ATP9A: variants seen among roughly 807,000 people sequenced by gnomAD.
ATP9A encodes probable phospholipid-transporting ATPase IIA.
A neutral mutation model predicts 144.1 loss-of-function variants in ATP9A; 52 were observed. The observed-to-expected ratio is 0.36, with a 90% CI of 0.29 to 0.45. The LOEUF is 0.45. ATP9A is among the 20% of genes least tolerant of loss of function. The probability of loss-of-function intolerance (pLI) is 1.00; values close to 1 mark genes in which losing one functional copy is unlikely to be tolerated. For missense variants in ATP9A, 947 were observed against 1,392.7 expected (o/e 0.68, Z 5.09); for synonymous variants, 582 against 557.4 (o/e 1.04, Z -0.62).
At chr20:51,637,304 A>AT (rs2077296315) in intron 15 of ATP9A, among the ~76,000 whole-genome samples, 1 of 87,516 alleles carries the variant, frequency 1.1e-5, no homozygotes, top group Non-Finnish European at 2.2e-5. Context: ...CTTCCCTAAC[A>AT]TTAAAAAAAA....
chr20:51,677,068 G>C (rs911021970), intron 9 of ATP9A, among the ~76,000 whole-genome samples: 3 of 151,450 alleles, frequency 2.0e-5, no homozygotes, highest in Admixed American at 6.6e-5. Context: ...CGAGTAGCTG[G>C]GACCACAGGC....
chr20:51,614,268 C>G (rs769808444), intron 22 of ATP9A, among the ~76,000 whole-genome samples: 1 of 152,124 alleles, frequency 6.6e-6, no homozygotes, highest in African/African-American at 2.4e-5. Context: ...TGCAGTGCAA[C>G]CATATAATGG....
At chr20:51,626,774 A>G (rs2077250704) in intron 17 of ATP9A, among the ~76,000 whole-genome samples, 2 of 152,140 alleles carry the variant, frequency 1.3e-5, no homozygotes, top group South Asian at 4.1e-4. Flanking sequence ...AGAATAAACC[A>G]GGCCAGGCAC....
At chr20:51,738,839 T>C (rs1042935191) in intron 1 of ATP9A, among the ~76,000 whole-genome samples, 4 of 152,088 alleles carry the variant, frequency 2.6e-5, no homozygotes, top group African/African-American at 4.8e-5. Flanking sequence ...TCCCAGCACT[T>C]TGGGAGGCCA....
rs553977185 is a variant in ATP9A at position 51,733,521 on chromosome 20, G to A, written c.69-3543C>T. Among the ~76,000 whole-genome samples, 8 of 152,166 alleles carry A rather than the reference G, an allele frequency of 5.3e-5. No homozygotes were observed. The South Asian group carries it at 1.7e-3, about 32-fold the overall frequency. ...CCTGAGTAGCTGGGATTACAGGCGT[G>A]CGCCACCACACCCAGCTAATTTTTG... On this transcript the variant is annotated intron_variant, in intron 1 of 27. Transcript: ENST00000338821.
At chr20:51,764,502 T>A (rs2077895265) in intron 1 of ATP9A, among the ~76,000 whole-genome samples, 1 of 152,224 alleles carries the variant, frequency 6.6e-6, no homozygotes, top group South Asian at 2.1e-4. Context: ...CTTCGCAACA[T>A]TCGCTGAGTG....
In ATP9A at chr20:51,671,230, C is replaced by A; in HGVS notation, c.1065G>T (p.Lys355Asn). ...ISLRVNLDMG[K>N]IVYSWVIRRD... ...TTCGAATCACCCAGCTGTACACGAT[C>A]TTGCCCATGTCCAGGTTCACACGCA... is the stretch of plus-strand genomic sequence containing the variant. Residue 355 changes from lysine to asparagine, a missense_variant, in exon 12 of 28, where the codon AAG becomes AAT. Physicochemically the swap from Lys to Asn is moderately conservative, Grantham distance 94. Coordinates refer to ENST00000338821, the MANE Select transcript of ATP9A (RefSeq NM_006045.3). 4 of 1,614,018 alleles carry A rather than the reference C, an allele frequency of 2.5e-6. No homozygotes were observed. Among genetic ancestry groups the A allele is most frequent in the Non-Finnish European group, 3.4e-6 (4 of 1,179,870 alleles).
At chr20:51,694,771 A>G (rs572756238) in intron 6 of ATP9A, among the ~76,000 whole-genome samples, 22 of 152,266 alleles carry the variant, frequency 1.4e-4, no homozygotes, top group Non-Finnish European at 2.9e-4. Flanking sequence ...TCAGCTGTAT[A>G]CTCCATCAGA....
In ATP9A at chr20:51,674,241, C is replaced by T; in HGVS notation, c.949G>A (p.Val317Ile). The T allele has an allele frequency of 6.2e-7, 1 of 1,613,916 alleles. No individual in the cohort carries two copies. The highest frequency in any genetic ancestry group is 8.5e-7 in the Non-Finnish European group (1 of 1,179,990). Residue 317 changes from valine (V) to isoleucine (I), a missense_variant, in exon 11 of 28, where the codon GTC becomes ATC. By Grantham distance (29) the Val-to-Ile change is conservative. This residue lies in a region of ATP9A where 770 missense variants were observed against 1,047.9 expected (regional missense o/e 0.73). Transcript: ENST00000338821. ...LFGALVVVSL[V>I]MVALQHFAGR... ...GCAAAGTGCTGAAGGGCAACCATGA[C>T]CAGCGAGACCACCACCAGGGCACCA...
chr20:51,662,195 C>T (rs1342998267), intron 13 of ATP9A, among the ~76,000 whole-genome samples: 1 of 152,316 alleles, frequency 6.6e-6, no homozygotes, highest in East Asian at 1.9e-4. Flanking sequence ...TTGGATCTTG[C>T]CTTCATTTAA....
In ATP9A at chr20:51,611,527, G is replaced by C. The variant is rs2077184798; in HGVS notation, c.2572-1362C>G. Among the ~76,000 whole-genome samples, 1 of 152,124 alleles carries C rather than the reference G, an allele frequency of 6.6e-6. No homozygotes were observed. On this transcript the variant is annotated intron_variant, in intron 23 of 27. Coordinates refer to ENST00000338821, the MANE Select transcript of ATP9A (RefSeq NM_006045.3). The surrounding 1 kb of genome is among the most constrained non-coding windows in gnomAD (Gnocchi z 4.2). Reference sequence around the variant, plus strand: ...TGTTCTCTGACAGACTCATGTCCCGGTGCAATTCTAACTGGGACTTGCTCT... The same window carrying C: ...TGTTCTCTGACAGACTCATGTCCCGCTGCAATTCTAACTGGGACTTGCTCT...
intron 9 of ATP9A, among the ~76,000 whole-genome samples, chr20:51,687,422 C>T (rs756164960): frequency 6.6e-6 from 1 of 152,156 alleles, no homozygotes; most frequent in Non-Finnish European, 1.5e-5. Context: ...TGCTTCATTC[C>T]CTCTCCTTGC....
chr20:51,633,915 G>C lies in ATP9A; in HGVS notation c.1669-4843C>G, dbSNP rs2077280281. ...AAGAGGGAGGGAGGGAGGAAGAAAGGGAGGGAGGGAGAGAGAGAGGGAGGG... is the reference window on the plus strand; with the variant it reads ...AAGAGGGAGGGAGGGAGGAAGAAAGCGAGGGAGGGAGAGAGAGAGGGAGGG... On this transcript the variant is annotated intron_variant, in intron 15 of 27. Coordinates refer to ENST00000338821, the MANE Select transcript of ATP9A (RefSeq NM_006045.3). Among the ~76,000 whole-genome samples the C allele has an allele frequency of 1.3e-5, 2 of 151,370 alleles. 1 individual carries two copies. The highest frequency in any genetic ancestry group is 4.2e-4 in the South Asian group (2 of 4,766).
intron 1 of ATP9A, among the ~76,000 whole-genome samples, chr20:51,756,926 T>TA (rs977001004): frequency 4.6e-5 from 7 of 151,996 alleles, no homozygotes; most frequent in South Asian, 2.1e-4. Context: ...GTTTTTTTTT[T>TA]AAAAAGACAG....
rs752935960 is a variant in ATP9A, at chr20:51,601,044, T to A, written c.*167A>T. 2.6e-6 allele frequency: 2 copies of A among 769,294 alleles called. No homozygotes were observed. The highest frequency in any genetic ancestry group is 3.8e-6 in the Non-Finnish European group (2 of 527,780). 47.7% of individuals were successfully genotyped at this position (769,294 alleles called of 1,614,324 possible). A position where few individuals can be genotyped will look rare whatever the true frequency, so the allele number is the denominator to read the frequency against. On this transcript the variant is annotated 3_prime_UTR_variant, in exon 28 of 28. Coordinates refer to ENST00000338821, the MANE Select transcript of ATP9A (RefSeq NM_006045.3). ...GTCTCTTTCAGGACCCTCCCTCCCGTTGATGCAGCGTTAGGACTCCGTTTA... is the reference window on the plus strand; with the variant it reads ...GTCTCTTTCAGGACCCTCCCTCCCGATGATGCAGCGTTAGGACTCCGTTTA...
chr20:51,624,247 G>A (rs963111607), intron 18 of ATP9A, among the ~76,000 whole-genome samples: 14 of 152,288 alleles, frequency 9.2e-5, no homozygotes, highest in African/African-American at 3.4e-4. Context: ...AATGTTGCCT[G>A]GCATCTAACC....
chr20:51,604,473 T>C (rs1011362009), intron 27 of ATP9A, among the ~76,000 whole-genome samples: 33 of 152,292 alleles, frequency 2.2e-4, no homozygotes, highest in Non-Finnish European at 4.4e-4. Context: ...AAGTCCCCTT[T>C]TATCAGTTTC....
At chr20:51,603,100 G>C (rs1176716088) in intron 27 of ATP9A, among the ~76,000 whole-genome samples, 1 of 152,136 alleles carries the variant, frequency 6.6e-6, no homozygotes, top group African/African-American at 2.4e-5. Context: ...CCCAGAGAGA[G>C]TCTATCCTGC....
At chr20:51,661,279 C>T (rs1308237967) in intron 13 of ATP9A, among the ~76,000 whole-genome samples, 1 of 152,098 alleles carries the variant, frequency 6.6e-6, no homozygotes, top group Non-Finnish European at 1.5e-5. Flanking sequence ...TGCCAGTTTT[C>T]TTTCCAAATG....
Sources: allele counts gnomAD v4.1 joint callset (sites outside exome capture counted in the v4.1 genomes callset), GRCh38; gene constraint gnomAD v4.1.1; regional missense constraint gnomAD v4.1.1; non-coding constraint Gnocchi (gnomAD v3.1); transcripts MANE v1.5; gene names NCBI Gene and HGNC (gene_info 2026-07-23, HGNC 2026-07-21).